BUD13: variants seen among roughly 807,000 people sequenced by gnomAD.
BUD13 encodes BUD13 spliceosome associated protein.
Under a neutral mutation model 62.5 loss-of-function variants are expected in BUD13, and 47 were observed. That is an observed-to-expected ratio of 0.75 (90% CI 0.60 to 0.96). The LOEUF is 0.96. BUD13 is among the 40% of genes least tolerant of loss of function. The pLI is 0.00. For synonymous variants in BUD13, 293 were observed against 280.1 expected (o/e 1.05, Z -0.46); for missense variants, 821 against 790.9 (o/e 1.04, Z -0.46).
chr11:116,771,186 C>A (rs1591303793), intron 1 of BUD13, among the ~76,000 whole-genome samples: 1 of 152,208 alleles, frequency 6.6e-6, no homozygotes, highest in East Asian at 1.9e-4. Flanking sequence ...CACACTCACT[C>A]AAGACTAAGA....
At chr11:116,767,403 C>A (rs1281309732) in intron 2 of BUD13, among the ~76,000 whole-genome samples, 1 of 151,218 alleles carries the variant, frequency 6.6e-6, no homozygotes, top group Admixed American at 6.6e-5. Flanking sequence ...ATCATCCTGG[C>A]TAACACAGTG....
At chr11:116,759,506 C>T (rs1940392768) in intron 5 of BUD13, among the ~76,000 whole-genome samples, 1 of 152,146 alleles carries the variant, frequency 6.6e-6, no homozygotes, top group African/African-American at 2.4e-5. Context: ...AAGCACTAAG[C>T]CTTCCATTAG....
chr11:116,750,111 A>G (rs1222496054), intron 9 of BUD13, among the ~76,000 whole-genome samples: 1 of 152,248 alleles, frequency 6.6e-6, no homozygotes, highest in Non-Finnish European at 1.5e-5. Flanking sequence ...TATAGGTCAT[A>G]GTTGAAAACA....
At chr11:116,750,369 A>G (rs908461976) in intron 9 of BUD13, among the ~76,000 whole-genome samples, 2 of 152,238 alleles carry the variant, frequency 1.3e-5, no homozygotes, top group South Asian at 4.1e-4. Context: ...CTTCTTATCT[A>G]AACTTCTTAA....
At chr11:116,754,825 T>C (rs1413249306) in intron 9 of BUD13, among the ~76,000 whole-genome samples, 2 of 152,170 alleles carry the variant, frequency 1.3e-5, no homozygotes, top group South Asian at 4.1e-4. Context: ...GAAGACCCTC[T>C]AGGTACAAAA....
intron 9 of BUD13, 127 bp from the exon 10 acceptor site, chr11:116,748,702 G>C (rs1261387957): frequency 6.0e-6 from 6 of 991,946 alleles, no homozygotes; most frequent in Non-Finnish European, 9.0e-6. Context: ...AATATTTTAG[G>C]CATGGCCGGG....
chr11:116,749,884 T>C (rs1009797925), intron 9 of BUD13, among the ~76,000 whole-genome samples: 3 of 152,170 alleles, frequency 2.0e-5, no homozygotes, highest in Non-Finnish European at 4.4e-5. Flanking sequence ...TTAGTAAGAC[T>C]AATTAGCAGC....
chr11:116,757,250 A>T, intron 8 of BUD13, 23 bp from the exon 9 acceptor site: 1 of 1,597,084 alleles, frequency 6.3e-7, no homozygotes, highest in Non-Finnish European at 8.6e-7. Flanking sequence ...GTAAGAAAAA[A>T]GTATTCAGTT....
At chr11:116,762,360 G>C (rs985789746) in intron 4 of BUD13, among the ~76,000 whole-genome samples, 193 bp downstream of exon 4, 1 of 152,164 alleles carries the variant, frequency 6.6e-6, no homozygotes, top group African/African-American at 2.4e-5. Context: ...ATGGGGTGGA[G>C]CGAGCACATA....
Position 116,761,067 on chromosome 11 carries a change from A to T in BUD13, c.1037-115T>A, listed in dbSNP as rs578203744. 1.6e-4 allele frequency: 134 copies of T among 848,030 alleles called. No individual in the cohort carries two copies. The East Asian group carries it at 3.8e-3, about 24-fold the overall frequency. 52.5% of individuals were successfully genotyped at this position (848,030 alleles called of 1,614,324 possible). On this transcript the variant is annotated intron_variant, in intron 4 of 9. Transcript: ENST00000260210. Reference sequence around the variant, plus strand: ...AAATTAAAGAATTCCTTACATTATTATTATTTTTTTTTTTTTGAGACAGTC... The same window carrying T: ...AAATTAAAGAATTCCTTACATTATTTTTATTTTTTTTTTTTTGAGACAGTC...
At chr11:116,751,765 G>T (rs1940239704) in intron 9 of BUD13, among the ~76,000 whole-genome samples, 1 of 152,172 alleles carries the variant, frequency 6.6e-6, no homozygotes, top group South Asian at 2.1e-4. Context: ...ACACTAATAT[G>T]ATAATACAAA....
intron 9 of BUD13, among the ~76,000 whole-genome samples, chr11:116,749,072 T>A (rs963105257): frequency 2.0e-5 from 3 of 150,178 alleles, no homozygotes; most frequent in Admixed American, 1.3e-4. Flanking sequence ...ACAAAATATA[T>A]CATTCATCCT....
intron 4 of BUD13, among the ~76,000 whole-genome samples, chr11:116,761,829 A>G (rs1940436624): frequency 6.6e-6 from 1 of 152,212 alleles, no homozygotes. Context: ...GCATTCTGCA[A>G]TATGTATCGA....
At chr11:116,767,590 CAA>C (rs57036085) in intron 2 of BUD13, among the ~76,000 whole-genome samples, 10,072 of 80,562 alleles carry the variant, frequency 0.13, 424 homozygotes, top group African/African-American at 0.23. Context: ...GAGACTCCAC[CAA>C]AAAAAAAAAA....
At chr11:116,752,007 G>C (rs586248) in intron 9 of BUD13, among the ~76,000 whole-genome samples, 2,205 of 152,228 alleles carry the variant, frequency 0.014, 31 homozygotes, top group Non-Finnish European at 0.025. Flanking sequence ...GCAGTGGCAC[G>C]ATCTCGGCTC....
chr11:116,768,847 C>CA lies in BUD13; in HGVS notation c.237+1281dup, dbSNP rs571724215. On this transcript the variant is annotated intron_variant, in intron 2 of 9. Transcript: ENST00000260210. ...TGAAACCCTGTCTCTACTAAAAATA[C>CA]AAAAAAAAACACAAAAAATTAGCCG... Among the ~76,000 whole-genome samples, 365 of 149,120 alleles carry CA rather than the reference C, an allele frequency of 2.4e-3. 3 individuals carry two copies. Among genetic ancestry groups the CA allele is most frequent in the African/African-American group, 8.2e-3 (333 of 40,528 alleles).
At chr11:116,759,018 TAAA>T in intron 6 of BUD13, 53 bp downstream of exon 6, 25 of 1,082,040 alleles carry the variant, frequency 2.3e-5, no homozygotes, top group African/African-American at 3.2e-5. Context: ...TAAGCTAAAT[TAAA>T]AAAAAAAAAA....
intron 9 of BUD13, among the ~76,000 whole-genome samples, chr11:116,755,987 C>T (rs527675579): frequency 1.1e-4 from 16 of 152,198 alleles, no homozygotes; most frequent in African/African-American, 3.9e-4. Flanking sequence ...GGCAGACAAT[C>T]ATATGAGCCC....
chr11:116,759,556 T>C (rs905123128), intron 5 of BUD13, among the ~76,000 whole-genome samples: 3 of 152,080 alleles, frequency 2.0e-5, no homozygotes, highest in Non-Finnish European at 4.4e-5. Context: ...CAGTACAAAC[T>C]CAAGCAAACC....
Sources: allele counts gnomAD v4.1 joint callset (sites outside exome capture counted in the v4.1 genomes callset), GRCh38; gene constraint gnomAD v4.1.1; transcripts MANE v1.5; gene names NCBI Gene and HGNC (gene_info 2026-07-23, HGNC 2026-07-21).